GAS7: variants seen among roughly 807,000 people sequenced by gnomAD.
GAS7 encodes growth arrest-specific protein 7.
A neutral mutation model predicts 71.1 loss-of-function variants in GAS7; 28 were observed. That is an observed-to-expected ratio of 0.39 (90% CI 0.29 to 0.54). The LOEUF (loss-of-function observed/expected upper bound fraction) is 0.54, where lower values mean the gene tolerates loss of function less well. Ranked by LOEUF, GAS7 falls within the 20% of genes least tolerant of loss-of-function variation. The probability of loss-of-function intolerance (pLI) is 0.62; values close to 1 mark genes in which losing one functional copy is unlikely to be tolerated. For missense variants in GAS7, 436 were observed against 627.8 expected (o/e 0.69, Z 3.27); for synonymous variants, 258 against 245.8 (o/e 1.05, Z -0.46).
intron 11 of GAS7, among the ~76,000 whole-genome samples, chr17:9,922,943 C>G (rs1439425846): frequency 6.6e-6 from 1 of 152,186 alleles, no homozygotes; most frequent in Non-Finnish European, 1.5e-5. Context: ...GAGTCTCACT[C>G]TCTTGCCCAG....
chr17:10,042,444 C>G (rs1371065599), intron 1 of GAS7, among the ~76,000 whole-genome samples: 1 of 152,144 alleles, frequency 6.6e-6, no homozygotes, highest in African/African-American at 2.4e-5. Flanking sequence ...GGGACGCCCC[C>G]TTCCTCCATA....
intron 2 of GAS7, among the ~76,000 whole-genome samples, chr17:9,988,825 C>G (rs1428796307): frequency 6.6e-6 from 1 of 151,602 alleles, no homozygotes; most frequent in Non-Finnish European, 1.5e-5. Flanking sequence ...CACAAAACAC[C>G]TATGAGATAG....
intron 13 of GAS7, 46 bp downstream of exon 13, chr17:9,917,941 GCCAGGCGGCTCTCC>G (rs2067644710): frequency 1.6e-6 from 2 of 1,222,198 alleles, no homozygotes; most frequent in Non-Finnish European, 2.4e-6. Context: ...ACGGCCTAGC[GCCAGGCGGCTCTCC>G]CCAGGCCCCG....
In GAS7 at chr17:10,122,291, G is replaced by A. The variant is rs553691862; in HGVS notation, c.183+75917C>T. Among the ~76,000 whole-genome samples, 4 of 152,284 alleles carry A rather than the reference G, an allele frequency of 2.6e-5. No homozygotes were observed. In the South Asian group the frequency reaches 8.3e-4, roughly 32 times the overall value. The stretch of plus-strand genomic sequence containing the variant: ...CTCCCACTGAGGGGTTGCAAACAGA[G>A]CTCTGTCTTTAGCCAGCATCTTCTA... On this transcript the variant is annotated intron_variant, in intron 1 of 13. Coordinates refer to ENST00000432992, the MANE Select transcript of GAS7 (RefSeq NM_201433.2).
At chr17:9,954,485 G>A (rs1248556491) in intron 5 of GAS7, among the ~76,000 whole-genome samples, 3 of 150,934 alleles carry the variant, frequency 2.0e-5, no homozygotes, top group Non-Finnish European at 4.4e-5. Flanking sequence ...GGGGTGGGGG[G>A]TGGGGGGTCA....
In GAS7 at chr17:10,103,108, T is replaced by C. The variant is rs150888218; in HGVS notation, c.184-83211A>G. ...GGCTCACACCTGTAATCCCAGCATT[T>C]TGGGAGGCCGAGGTGGGCAGATTGC... is the stretch of plus-strand genomic sequence containing the variant. On this transcript the variant is annotated intron_variant, in intron 1 of 13. Transcript: ENST00000432992. This position sits in a 1 kb window ranked among gnomAD's most constrained non-coding sequence, Gnocchi z 5.5. 6.6e-6 allele frequency among the ~76,000 whole-genome samples: 1 copy of C among 152,132 alleles called. No homozygotes were observed. Among genetic ancestry groups the C allele is most frequent in the East Asian group, 1.9e-4 (1 of 5,160 alleles).
chr17:10,106,047 C>T (rs964317871), intron 1 of GAS7, among the ~76,000 whole-genome samples: 4 of 152,172 alleles, frequency 2.6e-5, no homozygotes, highest in South Asian at 4.1e-4. Context: ...AAACAGAATC[C>T]TACCTCTGCC....
At chr17:10,046,835 AGGAAGG>A (rs780403699) in intron 1 of GAS7, among the ~76,000 whole-genome samples, 25 of 130,752 alleles carry the variant, frequency 1.9e-4, no homozygotes, top group Admixed American at 6.5e-4. Flanking sequence ...GAAGGAAGGA[AGGAAGG>A]AAGGAAAGAA....
intron 1 of GAS7, among the ~76,000 whole-genome samples, chr17:10,186,748 T>C (rs4791932): frequency 0.057 from 8,719 of 152,092 alleles, 415 homozygotes; most frequent in East Asian, 0.17. Context: ...CTGGGTTGGG[T>C]ACAGTGGCTC....
chr17:10,172,917 T>C (rs1371423301), intron 1 of GAS7, among the ~76,000 whole-genome samples: 1 of 152,182 alleles, frequency 6.6e-6, no homozygotes, highest in Non-Finnish European at 1.5e-5. Flanking sequence ...AGCCAAAACA[T>C]GGGAACTAGC....
At chr17:9,950,618 G>A (rs1277579646) in intron 5 of GAS7, among the ~76,000 whole-genome samples, 1 of 152,112 alleles carries the variant, frequency 6.6e-6, no homozygotes, top group East Asian at 1.9e-4. Flanking sequence ...AGCAATCTGG[G>A]AGGCCCAGGT....
chr17:9,945,057 GCAGGCGGCAT>G (rs1567805674), intron 6 of GAS7, among the ~76,000 whole-genome samples: 1 of 152,104 alleles, frequency 6.6e-6, no homozygotes, highest in East Asian at 1.9e-4. Context: ...GCTGCTGGAT[GCAGGCGGCAT>G]CAGACATTCC....
At chr17:10,135,511 G>A (rs1447455332) in intron 1 of GAS7, among the ~76,000 whole-genome samples, 1 of 152,194 alleles carries the variant, frequency 6.6e-6, no homozygotes, top group Non-Finnish European at 1.5e-5. Context: ...TTCGATTAAG[G>A]GGGTGAGCAG....
intron 7 of GAS7, 24 bp from the exon 8 acceptor site, chr17:9,940,224 C>A (rs755522785): frequency 6.3e-7 from 1 of 1,593,042 alleles, no homozygotes; most frequent in African/African-American, 1.3e-5. Context: ...AAACCCAACA[C>A]ACATCAGCTC....
intron 5 of GAS7, among the ~76,000 whole-genome samples, chr17:9,948,799 C>T (rs935329670): frequency 5.3e-5 from 8 of 152,228 alleles, no homozygotes; most frequent in African/African-American, 1.9e-4. Flanking sequence ...TGCAATACTG[C>T]CTGGCTTTTC....
At chr17:10,151,391 T>C (rs184089951) in intron 1 of GAS7, among the ~76,000 whole-genome samples, 2 of 152,298 alleles carry the variant, frequency 1.3e-5, no homozygotes, top group African/African-American at 2.4e-5. Context: ...CTTTTAAGTA[T>C]TGTTTTCTAA....
At chr17:10,134,043 T>C (rs959626002) in intron 1 of GAS7, among the ~76,000 whole-genome samples, 4 of 30,526 alleles carry the variant, frequency 1.3e-4, no homozygotes, top group African/African-American at 3.7e-4. Context: ...TTTTCTTTTT[T>C]TTTTGAGATG....
chr17:9,985,498 G>A, intron 2 of GAS7, among the ~76,000 whole-genome samples: 1 of 152,162 alleles, frequency 6.6e-6, no homozygotes, highest in East Asian at 1.9e-4. Context: ...TCACAACCTT[G>A]TTCACTCATC....
chr17:9,940,948 T>C (rs753975150), intron 7 of GAS7, among the ~76,000 whole-genome samples: 18 of 152,218 alleles, frequency 1.2e-4, no homozygotes, highest in Non-Finnish European at 1.8e-4. Context: ...GCTATGCTTA[T>C]GCCAACCAGA....
Sources: allele counts gnomAD v4.1 joint callset (sites outside exome capture counted in the v4.1 genomes callset), GRCh38; gene constraint gnomAD v4.1.1; non-coding constraint Gnocchi (gnomAD v3.1); transcripts MANE v1.5; gene names NCBI Gene and HGNC (gene_info 2026-07-23, HGNC 2026-07-21).